The following PCDHGA5 variants were observed in gnomAD, a reference collection of about 807,000 sequenced individuals.
PCDHGA5 encodes protocadherin gamma subfamily A, 5, also known as protocadherin gamma-A5.
PCDHGA5 carries 36 observed loss-of-function variants against 56.7 expected under a neutral mutation model. The observed-to-expected ratio is 0.64, with a 90% CI of 0.49 to 0.84. The LOEUF is 0.84. Among genes scored for constraint, PCDHGA5 ranks in the 40% least tolerant of loss-of-function variants. The pLI is 0.00. For synonymous variants in PCDHGA5, 563 were observed against 520.2 expected (o/e 1.08, Z -1.12); for missense variants, 1,305 against 1,201.5 (o/e 1.09, Z -1.27).
intron 1 of PCDHGA5, chr5:141,422,560 G>T (rs2096656228): frequency 6.2e-7 from 1 of 1,614,032 alleles, no homozygotes; most frequent in East Asian, 2.2e-5. Context: ...GAATGTGGCA[G>T]ATGACAACGA....
chr5:141,423,762 G>GT, intron 1 of PCDHGA5: 1 of 264,254 alleles, frequency 3.8e-6, no homozygotes, highest in Non-Finnish European at 5.6e-6. Context: ...GGGGGGGGGT[G>GT]GGGCGGCATA....
At chr5:141,488,565 C>T (rs1308485284) in intron 1 of PCDHGA5, among the ~76,000 whole-genome samples, 1 of 152,174 alleles carries the variant, frequency 6.6e-6, no homozygotes, top group Non-Finnish European at 1.5e-5. Flanking sequence ...GAGATTTCCG[C>T]AAAGCATTGC....
intron 1 of PCDHGA5, among the ~76,000 whole-genome samples, chr5:141,381,181 G>A (rs1777044636): frequency 6.6e-6 from 1 of 152,230 alleles, no homozygotes; most frequent in African/African-American, 2.4e-5. Flanking sequence ...ACAAAACGAA[G>A]TTAAGCTTTC....
Position 141,486,344 on chromosome 5 carries a change from G to C in PCDHGA5, c.2422-8463G>C. 6.2e-7 allele frequency: 1 copy of C among 1,614,062 alleles called. No homozygotes were observed. The highest frequency in any genetic ancestry group is 8.5e-7 in the Non-Finnish European group (1 of 1,180,022). On this transcript the variant is annotated intron_variant, in intron 1 of 3. Transcript: ENST00000518069. The surrounding 1 kb of genome is among the most constrained non-coding windows in gnomAD (Gnocchi z 5.0). Reference sequence around the variant, plus strand: ...CGGAGATGTGAGCCTCCGCATTCCTGACCACTTGCCATTTGCCCTCAAGTC... The same window carrying C: ...CGGAGATGTGAGCCTCCGCATTCCTCACCACTTGCCATTTGCCCTCAAGTC...
At chr5:141,385,542 A>T (rs3763123) in intron 1 of PCDHGA5, 69,535 of 1,326,660 alleles carry the variant, frequency 0.052, 2,028 homozygotes, top group African/African-American at 0.1. Flanking sequence ...GAATATGTGG[A>T]CTATCACATT....
In PCDHGA5 at chr5:141,511,539, C is replaced by CGAGAT; in HGVS notation, c.*366_*367insGAGAT. 3.0e-6 allele frequency: 1 copy of CGAGAT among 328,342 alleles called. No individual in the cohort carries two copies. Among genetic ancestry groups the CGAGAT allele is most frequent in the South Asian group, 3.2e-5 (1 of 31,708 alleles). 20.3% of individuals were successfully genotyped at this position (328,342 alleles called of 1,614,324 possible). On this transcript the variant is annotated 3_prime_UTR_variant, in exon 4 of 4. Transcript: ENST00000518069. ...CATCCCATGCCTCCCTCCTCCCCAC[C>CGAGAT]CCACTCCAACAGTTCCTCTTTCCCG...
chr5:141,497,877 G>C (rs1057284578), intron 2 of PCDHGA5, among the ~76,000 whole-genome samples: 6 of 152,148 alleles, frequency 3.9e-5, no homozygotes, highest in Admixed American at 2.6e-4. Context: ...AGTGAAATAA[G>C]CGTTAGGATC....
In PCDHGA5 at chr5:141,383,904, C is replaced by T. The variant is rs759650044; in HGVS notation, c.2421+17153C>T. ...GTCTGACAAAGGCAAAAGTACTGAT[C>T]ACAGTTTTAGATGTAAATGATAATG... On this transcript the variant is annotated intron_variant, in intron 1 of 3. Coordinates refer to ENST00000518069, the MANE Select transcript of PCDHGA5 (RefSeq NM_018918.3). The T allele has an allele frequency of 1.1e-5, 18 of 1,613,626 alleles. No homozygotes were observed. The South Asian group carries it at 1.8e-4, about 16-fold the overall frequency.
intron 1 of PCDHGA5, chr5:141,492,018 G>A: frequency 1.7e-6 from 1 of 585,594 alleles, no homozygotes; most frequent in Admixed American, 3.7e-5. Flanking sequence ...GGGTGTCGGG[G>A]GTCCCGGGAG....
intron 1 of PCDHGA5, chr5:141,367,099 T>A (rs1197346861): frequency 4.0e-6 from 1 of 250,422 alleles, no homozygotes; most frequent in Admixed American, 5.1e-5. Context: ...CTTTTGAGTG[T>A]CTGCCTAGAC....
chr5:141,452,360 C>A (rs1045666881), intron 1 of PCDHGA5, among the ~76,000 whole-genome samples: 3 of 152,172 alleles, frequency 2.0e-5, no homozygotes, highest in Non-Finnish European at 4.4e-5. Flanking sequence ...AAAAGCCTTG[C>A]TTCATTTTAG....
chr5:141,499,563 A>C (rs979866448), intron 2 of PCDHGA5, among the ~76,000 whole-genome samples: 3 of 152,242 alleles, frequency 2.0e-5, no homozygotes, highest in Non-Finnish European at 2.9e-5. Context: ...ACCACTATCC[A>C]GCTTCAACTA....
chr5:141,457,337 TTAC>T (rs1446765287), intron 1 of PCDHGA5, among the ~76,000 whole-genome samples: 2 of 152,202 alleles, frequency 1.3e-5, no homozygotes, highest in Non-Finnish European at 2.9e-5. Flanking sequence ...GGTACCTTAC[TTAC>T]TTTCATTACC....
intron 1 of PCDHGA5, chr5:141,390,051 A>C: frequency 6.2e-7 from 1 of 1,613,978 alleles, no homozygotes; most frequent in Non-Finnish European, 8.5e-7. Context: ...CGCCTCCTGG[A>C]GCTGCTTCCA....
At chr5:141,383,978 C>T in intron 1 of PCDHGA5, 1 of 1,613,752 alleles carries the variant, frequency 6.2e-7, no homozygotes, top group Non-Finnish European at 8.5e-7. Context: ...CCTGAAGACA[C>T]ACCTCTTGGG....
At chr5:141,399,291 T>A in intron 1 of PCDHGA5, 1 of 1,613,954 alleles carries the variant, frequency 6.2e-7, no homozygotes, top group East Asian at 2.2e-5. Context: ...AAGTCCCTTT[T>A]AAGATTATCT....
chr5:141,498,971 G>GGGAA (rs201769957), intron 2 of PCDHGA5, among the ~76,000 whole-genome samples: 8,226 of 110,874 alleles, frequency 0.074, 335 homozygotes, highest in Middle Eastern at 0.11. Flanking sequence ...GAGGGAGGGA[G>GGGAA]GGAAGGAAGG....
intron 1 of PCDHGA5, among the ~76,000 whole-genome samples, chr5:141,434,819 A>G (rs2097719619): frequency 6.6e-6 from 1 of 151,946 alleles, no homozygotes; most frequent in Admixed American, 6.6e-5. Flanking sequence ...TATATCCCTT[A>G]GTACACTTGG....
At chr5:141,464,422 TATAG>T (rs2099083887) in intron 1 of PCDHGA5, among the ~76,000 whole-genome samples, 1 of 151,672 alleles carries the variant, frequency 6.6e-6, no homozygotes, top group African/African-American at 2.4e-5. Context: ...TATCTATATA[TATAG>T]ATATATATGT....
Sources: gnomAD v4.1 joint callset for allele counts (sites outside exome capture counted in the v4.1 genomes callset) on GRCh38, gnomAD v4.1.1 for gene constraint, Gnocchi (gnomAD v3.1) non-coding constraint, MANE v1.5 for transcripts, NCBI Gene and HGNC (gene_info 2026-07-23, HGNC 2026-07-21) for gene names.